The following TNNT3 variants were observed in gnomAD, a reference collection of about 807,000 sequenced individuals.
The protein encoded by TNNT3 is troponin T, fast skeletal muscle.
TNNT3 carries 36 observed loss-of-function variants against 54.2 expected under a neutral mutation model. That is an observed-to-expected ratio of 0.66 (90% CI 0.51 to 0.88). The LOEUF is 0.88. Among genes scored for constraint, TNNT3 ranks in the 40% least tolerant of loss-of-function variants. TNNT3 has a pLI of 0.00. For missense variants in TNNT3, 291 were observed against 331.6 expected (o/e 0.88, Z 0.95); for synonymous variants, 120 against 109.7 (o/e 1.09, Z -0.59).
chr11:1,936,933 G>A (rs558877262), intron 14 of TNNT3, 30 bp from the exon 15 acceptor site: 39 of 1,593,822 alleles, frequency 2.4e-5, no homozygotes, highest in South Asian at 5.7e-5. Flanking sequence ...CCCTCGGGTC[G>A]TCGCAGTGAG....
At chr11:1,921,236 C>T (rs1041653773) in intron 1 of TNNT3, 1 of 152,194 alleles carries the variant, frequency 6.6e-6, no homozygotes, top group Admixed American at 6.5e-5. Flanking sequence ...CCACCCCAGG[C>T]GAGGGCCACG....
At chr11:1,934,971 C>T (rs1854537524) in intron 14 of TNNT3, 52 bp downstream of exon 14, 1 of 1,549,892 alleles carries the variant, frequency 6.5e-7, no homozygotes, top group Non-Finnish European at 8.9e-7. Context: ...CACCCACCAG[C>T]AGAGCAGCCA....
intron 9 of TNNT3, among the ~76,000 whole-genome samples, chr11:1,933,118 TCCCA>T (rs1208057670): frequency 1.7e-4 from 3 of 17,402 alleles, no homozygotes; most frequent in African/African-American, 6.9e-4. Flanking sequence ...TCATCCACCC[TCCCA>T]CCCACCCACC....
chr11:1,925,063 C>G (rs748916520), intron 4 of TNNT3, 36 bp from the exon 5 acceptor site: 2 of 1,611,578 alleles, frequency 1.2e-6, no homozygotes, highest in Admixed American at 1.7e-5. Flanking sequence ...TCCCTCAACC[C>G]CGCCTTCTCC....
At chr11:1,936,321 G>A in intron 14 of TNNT3, 5 of 1,564,574 alleles carry the variant, frequency 3.2e-6, no homozygotes, top group East Asian at 4.5e-5. Context: ...TGAACCTCTC[G>A]CATGGCAAAA....
chr11:1,925,843 C>T (rs1034302013), intron 5 of TNNT3, among the ~76,000 whole-genome samples: 2 of 152,172 alleles, frequency 1.3e-5, no homozygotes, highest in Non-Finnish European at 2.9e-5. Context: ...GATGGGAGGG[C>T]TGGGGTCCCA....
intron 6 of TNNT3, 54 bp downstream of exon 6, chr11:1,926,763 C>A: frequency 1.2e-6 from 2 of 1,610,476 alleles, no homozygotes; most frequent in South Asian, 1.1e-5. Flanking sequence ...CCCTTCTGTC[C>A]TCTCTTGCTT....
In TNNT3 at chr11:1,934,840, A is replaced by T; in HGVS notation, c.602A>T (p.Lys201Met). 2 of 1,613,516 alleles carry T rather than the reference A, an allele frequency of 1.2e-6. No individual in the cohort carries two copies. Among genetic ancestry groups the T allele is most frequent in the Non-Finnish European group, 1.7e-6 (2 of 1,180,032 alleles). ...TTCCTCTGCCCCAGGGACAAGGCCA[A>T]GGAGCTCTGGGAGACCCTGCACCAG... ...LGEDKLRDKA[K>M]ELWETLHQLE... The change falls in exon 14 of 16, where the codon AAG becomes ATG. Residue 201 changes from lysine (K) to methionine (M), a missense_variant. Physicochemically the swap from Lys to Met is moderately conservative, Grantham distance 95. Coordinates refer to ENST00000278317, the MANE Select transcript of TNNT3 (RefSeq NM_006757.4).
At chr11:1,933,863 C>T (rs1318033238) in intron 10 of TNNT3, 26 bp downstream of exon 10, 11 of 1,611,724 alleles carry the variant, frequency 6.8e-6, no homozygotes, top group Admixed American at 1.7e-5. Flanking sequence ...CAGGTTGCAG[C>T]AGGGGCTGGT....
chr11:1,928,705 G>A (rs1248346804), intron 6 of TNNT3, among the ~76,000 whole-genome samples: 3 of 152,152 alleles, frequency 2.0e-5, no homozygotes, highest in Non-Finnish European at 4.4e-5. Context: ...CGGGAAGCAC[G>A]AAGCAAAGGG....
At chr11:1,932,744 G>A (rs1450258483) in intron 9 of TNNT3, among the ~76,000 whole-genome samples, 4 of 144,730 alleles carry the variant, frequency 2.8e-5, no homozygotes, top group East Asian at 2.1e-4. Context: ...ACCCACCCAC[G>A]TAAGCTCCTA....
At chr11:1,920,529 T>C (rs1343181137) in intron 1 of TNNT3, among the ~76,000 whole-genome samples, 1 of 119,546 alleles carries the variant, frequency 8.4e-6, no homozygotes, top group African/African-American at 3.2e-5. Context: ...TGATCAGGCC[T>C]TGGCTGCCCC....
intron 14 of TNNT3, chr11:1,936,193 T>A (rs757469529): frequency 1.2e-6 from 2 of 1,613,792 alleles, no homozygotes; most frequent in South Asian, 1.1e-5. Context: ...TCCAGCCTTG[T>A]AACCATCTTG....
chr11:1,927,493 C>G (rs926338857), intron 6 of TNNT3, among the ~76,000 whole-genome samples: 7 of 152,120 alleles, frequency 4.6e-5, no homozygotes, highest in African/African-American at 1.7e-4. Context: ...TCTTGCGTGA[C>G]TCGAGCCTCG....
At chr11:1,929,896 G>T in intron 8 of TNNT3, 68 bp downstream of exon 8, 1 of 1,535,736 alleles carries the variant, frequency 6.5e-7, no homozygotes, top group Non-Finnish European at 8.8e-7. Context: ...AAGTGAGTGT[G>T]GGGTCCTGGC....
intron 5 of TNNT3, 91 bp from the exon 6 acceptor site, chr11:1,926,604 G>A: frequency 6.2e-7 from 1 of 1,608,812 alleles, no homozygotes; most frequent in South Asian, 1.1e-5. Context: ...CGCCGCCTCG[G>A]CCCTGCCCGC....
In TNNT3 at chr11:1,938,661, C is replaced by T; in HGVS notation, c.*169C>T. On this transcript the variant is annotated 3_prime_UTR_variant, in exon 16 of 16. Coordinates refer to ENST00000278317, the MANE Select transcript of TNNT3 (RefSeq NM_006757.4). ...GTCCCCCGCGTCTGTGTCCTTGCTG[C>T]CTTCATCCCCTGGGGCCTGTGAATA... The T allele has an allele frequency of 1.4e-6, 1 of 724,230 alleles. No homozygotes were observed. Among genetic ancestry groups the T allele is most frequent in the Non-Finnish European group, 2.5e-6 (1 of 399,506 alleles). 44.9% of individuals were successfully genotyped at this position (724,230 alleles called of 1,614,324 possible).
At chr11:1,936,901 C>T in intron 14 of TNNT3, 62 bp from the exon 15 acceptor site, 1 of 1,544,424 alleles carries the variant, frequency 6.5e-7, no homozygotes, top group Non-Finnish European at 8.8e-7. Flanking sequence ...GACAGGCCTT[C>T]ACCCAGTACA....
chr11:1,926,772 T>C, intron 6 of TNNT3, 63 bp downstream of exon 6: 32 of 1,603,622 alleles, frequency 2.0e-5, no homozygotes, highest in Non-Finnish European at 2.7e-5. Flanking sequence ...CCTCTCTTGC[T>C]TCCTCCCTCT....
Sources: allele counts gnomAD v4.1 joint callset (sites outside exome capture counted in the v4.1 genomes callset), GRCh38; gene constraint gnomAD v4.1.1; transcripts MANE v1.5; gene names NCBI Gene and HGNC (gene_info 2026-07-23, HGNC 2026-07-21).